The following SCFD2 variants were observed in gnomAD, a reference collection of about 807,000 sequenced individuals.
SCFD2 encodes the protein sec1 family domain containing 2.
In SCFD2, 54 loss-of-function variants were observed where a neutral mutation model predicts 58.9. That is an observed-to-expected ratio of 0.92 (90% CI 0.74 to 1.15). The LOEUF (loss-of-function observed/expected upper bound fraction) is 1.15. Among genes scored for constraint, SCFD2 ranks in the 50% most tolerant of loss-of-function variants. SCFD2 has a pLI of 0.00. For synonymous variants in SCFD2, 321 were observed against 335.9 expected, an observed-to-expected ratio of 0.96 and a Z score of 0.49; for missense variants, 805 against 836.6, an observed-to-expected ratio of 0.96 and a Z score of 0.47.
intron 4 of SCFD2, among the ~76,000 whole-genome samples, chr4:53,208,426 T>C (rs1463986740): frequency 6.6e-6 from 1 of 152,194 alleles, no homozygotes; most frequent in African/African-American, 2.4e-5. Flanking sequence ...ACAAACACTT[T>C]CCTGCATGTT....
At chr4:53,353,925 TA>T (rs1200387325) in intron 1 of SCFD2, among the ~76,000 whole-genome samples, 4 of 152,244 alleles carry the variant, frequency 2.6e-5, no homozygotes, top group African/African-American at 9.6e-5. Context: ...AACTTTGAGC[TA>T]GACACAAAGT....
intron 4 of SCFD2, among the ~76,000 whole-genome samples, chr4:53,212,575 CGTGTGTGTGTGTGTGTGTGT>C (rs72335886): frequency 7.0e-6 from 1 of 142,182 alleles, no homozygotes; most frequent in Non-Finnish European, 1.5e-5. Flanking sequence ...AAAGTGAGCA[CGTGTGTGTGTGTGTGTGTGT>C]GTGTGTGTGT....
At chr4:53,351,237 G>A (rs1452856096) in intron 2 of SCFD2, among the ~76,000 whole-genome samples, 1 of 152,160 alleles carries the variant, frequency 6.6e-6, no homozygotes, top group African/African-American at 2.4e-5. Context: ...GTGGTCCAAT[G>A]AGGTCATCTC....
chr4:53,191,304 C>G (rs997667170), intron 4 of SCFD2, among the ~76,000 whole-genome samples: 8 of 151,906 alleles, frequency 5.3e-5, no homozygotes, highest in African/African-American at 1.9e-4. Context: ...GACTCTATCT[C>G]AAAAAATAAG....
At chr4:53,200,210 A>G (rs1728186325) in intron 4 of SCFD2, among the ~76,000 whole-genome samples, 1 of 152,154 alleles carries the variant, frequency 6.6e-6, no homozygotes, top group South Asian at 2.1e-4. Flanking sequence ...GCTTGCACTC[A>G]TGTAATAATC....
At chr4:52,947,568 A>G (rs1356993881) in intron 5 of SCFD2, among the ~76,000 whole-genome samples, 1 of 152,182 alleles carries the variant, frequency 6.6e-6, no homozygotes, top group Non-Finnish European at 1.5e-5. Flanking sequence ...GTATTGGCAC[A>G]GGGATAGACA....
chr4:53,332,398 C>G (rs1322337812), intron 2 of SCFD2, among the ~76,000 whole-genome samples: 2 of 151,406 alleles, frequency 1.3e-5, no homozygotes, highest in African/African-American at 4.9e-5. Context: ...GCTTATCCAC[C>G]ATGATCAAGT....
At chr4:52,976,757 C>G (rs1721268468) in intron 5 of SCFD2, among the ~76,000 whole-genome samples, 1 of 152,152 alleles carries the variant, frequency 6.6e-6, no homozygotes. Flanking sequence ...TGAGTAAGCC[C>G]TCAGCAGCAC....
chr4:52,880,021 C>A (rs1718570521), intron 8 of SCFD2, among the ~76,000 whole-genome samples: 2 of 152,192 alleles, frequency 1.3e-5, no homozygotes, highest in Non-Finnish European at 2.9e-5. Flanking sequence ...TACACACACA[C>A]CTGTGTTAAA....
intron 7 of SCFD2, among the ~76,000 whole-genome samples, chr4:52,886,143 A>G (rs534866738): frequency 6.6e-6 from 1 of 152,114 alleles, no homozygotes; most frequent in South Asian, 2.1e-4. Flanking sequence ...CCCTTCACCT[A>G]TTTTACATAT....
At chr4:53,202,495 A>T (rs1728279172) in intron 4 of SCFD2, among the ~76,000 whole-genome samples, 1 of 150,790 alleles carries the variant, frequency 6.6e-6, no homozygotes. Context: ...CTTAGGATTG[A>T]CTTGGCAATG....
Position 53,214,403 on chromosome 4 carries a change from C to A in SCFD2, c.1311+59423G>T, listed in dbSNP as rs199755497. Among the ~76,000 whole-genome samples the A allele has an allele frequency of 2.0e-5, 3 of 152,184 alleles. No individual in the cohort carries two copies. In the East Asian group the frequency reaches 5.8e-4, roughly 29 times the overall value. On this transcript the variant is annotated intron_variant, in intron 4 of 8. Coordinates refer to ENST00000401642, the MANE Select transcript of SCFD2 (RefSeq NM_152540.4). ...TTTTGATTTGCATTTCTCTGATGGC[C>A]ACTGATGATGAGCATTTTTTTCATG...
chr4:52,957,812 A>G (rs1007595202), intron 5 of SCFD2: 4 of 152,220 alleles, frequency 2.6e-5, no homozygotes, highest in African/African-American at 9.7e-5. Flanking sequence ...TAGATGAAAA[A>G]CTAACGCTGA....
chr4:53,223,024 C>T (rs970761939), intron 4 of SCFD2, among the ~76,000 whole-genome samples: 9 of 152,068 alleles, frequency 5.9e-5, no homozygotes, highest in Non-Finnish European at 1.3e-4. Flanking sequence ...CACGAGAGCC[C>T]TGGGACAGTA....
intron 5 of SCFD2, among the ~76,000 whole-genome samples, chr4:53,057,988 T>C (rs1320097670): frequency 2.0e-5 from 3 of 151,968 alleles, no homozygotes; most frequent in South Asian, 2.1e-4. Flanking sequence ...ATAAAAGCCA[T>C]CTCGGAAAGT....
intron 5 of SCFD2, among the ~76,000 whole-genome samples, chr4:53,060,483 A>G (rs140890239): frequency 2.0e-5 from 3 of 152,292 alleles, no homozygotes; most frequent in African/African-American, 7.2e-5. Flanking sequence ...AAGGTTCTCA[A>G]AGTGTGGTCT....
Position 53,352,802 on chromosome 4 carries a change from ATGGGAGG to A in SCFD2, c.839-43_839-37del, listed in dbSNP as rs1487729778. On this transcript the variant is annotated intron_variant, in intron 1 of 8. Transcript: ENST00000401642. ...AGACAAGATGATGTAAATTCATAAA[ATGGGAGG>A]AAAAAGCAAGTTGGATAAATGTTTT... The A allele has an allele frequency of 1.9e-6, 3 of 1,574,228 alleles. No individual in the cohort carries two copies. The South Asian group carries it at 3.4e-5, about 18-fold the overall frequency.
At chr4:53,215,448 T>G (rs1728789127) in intron 4 of SCFD2, among the ~76,000 whole-genome samples, 3 of 152,128 alleles carry the variant, frequency 2.0e-5, no homozygotes. Context: ...GATTTGGCTG[T>G]CTGTTATTGG....
chr4:53,197,747 C>CAAAAAA (rs10717880), intron 4 of SCFD2, among the ~76,000 whole-genome samples: 281 of 96,424 alleles, frequency 2.9e-3, no homozygotes, highest in East Asian at 6.7e-3. Context: ...TAGAAGATGG[C>CAAAAAA]AAAAAAAAAA....
Sources: allele counts gnomAD v4.1 joint callset (sites outside exome capture counted in the v4.1 genomes callset), GRCh38; gene constraint gnomAD v4.1.1; transcripts MANE v1.5; gene names NCBI Gene and HGNC (gene_info 2026-07-23, HGNC 2026-07-21).